TP63: variants seen among roughly 807,000 people sequenced by gnomAD.
TP63 encodes the protein tumor protein 63.
A neutral mutation model predicts 82.8 loss-of-function variants in TP63; 17 were observed. That is an observed-to-expected ratio of 0.21 (90% CI 0.14 to 0.31). The LOEUF is 0.31. Ranked by LOEUF, TP63 falls within the 10% of genes least tolerant of loss-of-function variation. The pLI is 1.00. For synonymous variants in TP63, 330 were observed against 321.7 expected (o/e 1.03, Z -0.28); for missense variants, 648 against 895.3 (o/e 0.72, Z 3.52).
chr3:189,811,743 G>A (rs1487739118), intron 4 of TP63, among the ~76,000 whole-genome samples: 1 of 152,168 alleles, frequency 6.6e-6, no homozygotes, highest in African/African-American at 2.4e-5. Context: ...AAGGTCACAT[G>A]GCTAATAACC....
chr3:189,658,385 C>T (rs1021849340), intron 1 of TP63, among the ~76,000 whole-genome samples: 6 of 151,798 alleles, frequency 4.0e-5, no homozygotes, highest in African/African-American at 1.2e-4. Context: ...TCCTTAAGTA[C>T]GGGCTGCATG....
At chr3:189,688,454 C>G (rs1224196479) in intron 1 of TP63, among the ~76,000 whole-genome samples, 1 of 152,148 alleles carries the variant, frequency 6.6e-6, no homozygotes, top group African/African-American at 2.4e-5. Context: ...AGTTCACACA[C>G]ACTTCTGACA....
At chr3:189,627,923 G>A (rs1729355861), upstream of TP63, among the ~76,000 whole-genome samples, 1 of 151,996 alleles carries the variant, frequency 6.6e-6, no homozygotes, top group Non-Finnish European at 1.5e-5. Context: ...AGTGTTTTGT[G>A]GAAATTATTT....
chr3:189,606,644 C>T, the TP63 span, among the ~76,000 whole-genome samples: 1 of 151,214 alleles, frequency 6.6e-6, no homozygotes, highest in Non-Finnish European at 1.5e-5. Flanking sequence ...CTCCGTTGCA[C>T]CACCACAGCT....
At chr3:189,855,662 C>T (rs939397808) in intron 4 of TP63, among the ~76,000 whole-genome samples, 14 of 151,678 alleles carry the variant, frequency 9.2e-5, no homozygotes, top group Admixed American at 6.6e-4. Flanking sequence ...AAAAAGAATA[C>T]CGTCTTTGTA....
chr3:189,645,662 C>G (rs533391265), intron 1 of TP63, among the ~76,000 whole-genome samples: 5 of 120,716 alleles, frequency 4.1e-5, no homozygotes, highest in Non-Finnish European at 5.1e-5. Flanking sequence ...CCCACTCCCC[C>G]ACCCCACGAC....
the TP63 span, among the ~76,000 whole-genome samples, chr3:189,616,446 T>C: frequency 6.6e-6 from 1 of 152,234 alleles, no homozygotes; most frequent in Non-Finnish European, 1.5e-5. Flanking sequence ...TATTCTTCCT[T>C]GCTACAACAA....
chr3:189,880,308 C>A (rs1228332379), intron 10 of TP63: 1 of 1,336,930 alleles, frequency 7.5e-7, no homozygotes. Context: ...GGCTCAGAGA[C>A]CCAACTGCTC....
chr3:189,872,645 T>G (rs1718573970), intron 9 of TP63, among the ~76,000 whole-genome samples: 1 of 152,118 alleles, frequency 6.6e-6, no homozygotes, highest in Non-Finnish European at 1.5e-5. Context: ...TCGAACCAGC[T>G]GGGAATGCAC....
intron 4 of TP63, among the ~76,000 whole-genome samples, chr3:189,816,917 T>A (rs1728247786): frequency 6.6e-6 from 1 of 152,076 alleles, no homozygotes; most frequent in Non-Finnish European, 1.5e-5. Context: ...TAATTTATTG[T>A]GAGGTAAATT....
rs551631803 is a variant in TP63, at chr3:189,649,979, G to T, written c.62+18402G>T. The stretch of plus-strand genomic sequence containing the variant: ...ATGCTGTGTAGGAAATAAATGTATA[G>T]ACCAAGTTTAGGGGCTATTGTTCTA... On this transcript the variant is annotated intron_variant, in intron 1 of 13. Transcript: ENST00000264731. Among the ~76,000 whole-genome samples, 71 of 147,152 alleles carry T rather than the reference G, an allele frequency of 4.8e-4. 4 individuals are homozygous for T. Among genetic ancestry groups the T allele is most frequent in the Admixed American group, 1.8e-3 (27 of 14,950 alleles).
intron 5 of TP63, among the ~76,000 whole-genome samples, chr3:189,866,332 T>C (rs1308829605): frequency 2.0e-5 from 3 of 152,182 alleles, no homozygotes; most frequent in South Asian, 2.1e-4. Flanking sequence ...TTAATTTGCT[T>C]ATTTCCCTTT....
intron 1 of TP63, among the ~76,000 whole-genome samples, chr3:189,632,097 G>A (rs974549246): frequency 6.6e-6 from 1 of 152,114 alleles, no homozygotes; most frequent in African/African-American, 2.4e-5. Flanking sequence ...GCTTGTGATT[G>A]TAGTAAATTT....
chr3:189,600,626 ACTGTTTCTCC>A, the TP63 span, among the ~76,000 whole-genome samples: 1 of 152,080 alleles, frequency 6.6e-6, no homozygotes, highest in Non-Finnish European at 1.5e-5. Context: ...GCCTCTTTAT[ACTGTTTCTCC>A]CTGCTTTAGA....
At chr3:189,752,659 A>C (rs947891276) in intron 3 of TP63, among the ~76,000 whole-genome samples, 6 of 151,618 alleles carry the variant, frequency 4.0e-5, no homozygotes, top group African/African-American at 1.5e-4. Context: ...TTCCATTTTC[A>C]ACTTGATTAT....
rs1241720269 is a variant in TP63, at chr3:189,840,363, T to C, written c.580-23869T>C. ...TTTTTCTTTTTTGCTTTTCGTCTTTTTTTTTTTTTTTTTTTTTTTTTTTTA... is the reference window on the plus strand; with the variant it reads ...TTTTTCTTTTTTGCTTTTCGTCTTTCTTTTTTTTTTTTTTTTTTTTTTTTA... On this transcript the variant is annotated intron_variant, in intron 4 of 13. Transcript: ENST00000264731. Among the ~76,000 whole-genome samples, 85 of 114,978 alleles carry C rather than the reference T, an allele frequency of 7.4e-4. 6 individuals carry two copies. The highest frequency in any genetic ancestry group is 9.4e-4 in the South Asian group (3 of 3,202). The allele number at this position is 114,978 out of a possible 152,430, so 75.4% of individuals were successfully genotyped here. A position where few individuals can be genotyped will look rare whatever the true frequency, so the allele number is the denominator to read the frequency against.
At chr3:189,739,279 C>T (rs751744648) in intron 3 of TP63, among the ~76,000 whole-genome samples, 1 of 152,230 alleles carries the variant, frequency 6.6e-6, no homozygotes, top group African/African-American at 2.4e-5. Context: ...CCACACCTGG[C>T]TAATTTTTGT....
intron 1 of TP63, among the ~76,000 whole-genome samples, chr3:189,638,908 C>T (rs1711562880): frequency 6.6e-6 from 1 of 152,096 alleles, no homozygotes; most frequent in African/African-American, 2.4e-5. Context: ...GTGAGGCAAG[C>T]TTAGACCCAA....
intron 1 of TP63, among the ~76,000 whole-genome samples, chr3:189,636,094 C>T (rs1577151619): frequency 6.6e-6 from 1 of 152,174 alleles, no homozygotes; most frequent in South Asian, 2.1e-4. Flanking sequence ...TCTTCAGCAT[C>T]TAATATATCC....
Sources: allele counts gnomAD v4.1 joint callset (sites outside exome capture counted in the v4.1 genomes callset), GRCh38; gene constraint gnomAD v4.1.1; transcripts MANE v1.5; gene names NCBI Gene and HGNC (gene_info 2026-07-23, HGNC 2026-07-21).